The following SGCZ variants were observed in gnomAD, a reference collection of about 807,000 sequenced individuals.
SGCZ encodes the protein zeta-sarcoglycan.
A neutral mutation model predicts 41.3 loss-of-function variants in SGCZ; 40 were observed. The ratio of observed to expected loss-of-function variants is 0.97; its 90% CI spans 0.75 to 1.26. The LOEUF (loss-of-function observed/expected upper bound fraction) is 1.26, where lower values mean the gene tolerates loss of function less well. SGCZ is among the 50% of genes most tolerant of loss of function. The pLI is 0.00. For synonymous variants in SGCZ, 206 were observed against 137.5 expected, an observed-to-expected ratio of 1.50 and a Z score of -3.49; for missense variants, 552 against 369.8, an observed-to-expected ratio of 1.49 and a Z score of -4.04.
chr8:14,757,765 C>A (rs528791918), intron 1 of SGCZ, among the ~76,000 whole-genome samples: 2 of 152,266 alleles, frequency 1.3e-5, no homozygotes, highest in South Asian at 2.1e-4. Context: ...TTAAGCTTCC[C>A]AACAAGGGAT....
intron 4 of SGCZ, among the ~76,000 whole-genome samples, chr8:14,176,216 C>T (rs371186591): frequency 6.6e-6 from 1 of 152,222 alleles, no homozygotes; most frequent in African/African-American, 2.4e-5. Context: ...CAACAATATG[C>T]CATAAAGTAC....
chr8:14,668,095 T>A (rs1186249308), intron 1 of SGCZ, among the ~76,000 whole-genome samples: 2 of 152,070 alleles, frequency 1.3e-5, no homozygotes, highest in African/African-American at 2.4e-5. Context: ...TGGCTGGGAT[T>A]ACAGGCACCC....
At chr8:14,775,139 A>G (rs1175347088) in intron 1 of SGCZ, among the ~76,000 whole-genome samples, 1 of 152,206 alleles carries the variant, frequency 6.6e-6, no homozygotes, top group Non-Finnish European at 1.5e-5. Flanking sequence ...AACTTCAGCT[A>G]GGTCTTATGC....
At chr8:14,225,918 C>G (rs1212229367) in intron 4 of SGCZ, among the ~76,000 whole-genome samples, 1 of 151,998 alleles carries the variant, frequency 6.6e-6, no homozygotes, top group Non-Finnish European at 1.5e-5. Flanking sequence ...TATGATACCT[C>G]TGAAAGAAAT....
rs899317587 is a variant in SGCZ, at chr8:14,946,350, G to A, written c.39+291235C>T. ...CTCGGAGTGGCCACGTATACTCCTC[G>A]CGCATCACAGAAGGAAACGCTGCTC... On this transcript the variant is annotated intron_variant, in intron 1 of 7. Coordinates refer to ENST00000382080, the MANE Select transcript of SGCZ (RefSeq NM_139167.4). 6.6e-5 allele frequency among the ~76,000 whole-genome samples: 10 copies of A among 151,410 alleles called. No homozygotes were observed. The East Asian group carries it at 1.2e-3, about 18-fold the overall frequency.
At chr8:14,329,105 T>C (rs552176738) in intron 2 of SGCZ, among the ~76,000 whole-genome samples, 1 of 152,204 alleles carries the variant, frequency 6.6e-6, no homozygotes, top group South Asian at 2.1e-4. Context: ...TATTTTGTTA[T>C]AGTAGCAAAA....
chr8:15,182,503 A>G (rs76058739), intron 1 of SGCZ, among the ~76,000 whole-genome samples: 1,536 of 152,316 alleles, frequency 0.01, 82 homozygotes, highest in East Asian at 0.096. Flanking sequence ...TACCAGAGGC[A>G]ACTTTAACTA....
chr8:14,744,618 A>T (rs1246514504), intron 1 of SGCZ, among the ~76,000 whole-genome samples: 1 of 152,178 alleles, frequency 6.6e-6, no homozygotes, highest in Non-Finnish European at 1.5e-5. Flanking sequence ...GTTCATTTGT[A>T]TACAATGGAC....
At chr8:14,917,694 T>C (rs534260318) in intron 1 of SGCZ, among the ~76,000 whole-genome samples, 36 of 152,248 alleles carry the variant, frequency 2.4e-4, no homozygotes, top group African/African-American at 8.2e-4. Flanking sequence ...AGGCCACTCA[T>C]AATGGGGCAA....
chr8:15,025,402 G>C (rs1321900772), intron 1 of SGCZ, among the ~76,000 whole-genome samples: 1 of 152,120 alleles, frequency 6.6e-6, no homozygotes, highest in African/African-American at 2.4e-5. Flanking sequence ...TTCTGCTACA[G>C]TTTTAAAGGG....
chr8:14,544,433 C>T (rs551978800), intron 2 of SGCZ, among the ~76,000 whole-genome samples: 48 of 151,976 alleles, frequency 3.2e-4, no homozygotes, highest in Admixed American at 1.5e-3. Context: ...CCTGCGGGGT[C>T]GGGGAAAAAC....
chr8:14,392,963 C>A (rs1428227841), intron 2 of SGCZ, among the ~76,000 whole-genome samples: 1 of 151,772 alleles, frequency 6.6e-6, no homozygotes, highest in Non-Finnish European at 1.5e-5. Flanking sequence ...ACACTTTGTA[C>A]TTAATTAATT....
chr8:14,146,469 A>G (rs1803523515), intron 5 of SGCZ, among the ~76,000 whole-genome samples: 1 of 152,230 alleles, frequency 6.6e-6, no homozygotes, highest in Non-Finnish European at 1.5e-5. Context: ...AGAAAAGGAC[A>G]TTAATTAGCA....
At chr8:14,479,403 T>C (rs76886386) in intron 2 of SGCZ, among the ~76,000 whole-genome samples, 4,998 of 152,240 alleles carry the variant, frequency 0.033, 258 homozygotes, top group African/African-American at 0.11. Flanking sequence ...TCGCAGCTGA[T>C]TAGATGGTGC....
intron 1 of SGCZ, among the ~76,000 whole-genome samples, chr8:15,010,812 A>G (rs907952878): frequency 2.2e-4 from 34 of 152,112 alleles, no homozygotes; most frequent in African/African-American, 8.0e-4. Context: ...GGTCCTTGTC[A>G]CCCATGGTGA....
At chr8:14,574,489 GGAAGAAGAAAT>G (rs2117239993) in intron 1 of SGCZ, among the ~76,000 whole-genome samples, 1 of 152,220 alleles carries the variant, frequency 6.6e-6, no homozygotes, top group South Asian at 2.1e-4. Context: ...CATGTACCAG[GGAAGAAGAAAT>G]GCTCTAACAA....
intron 4 of SGCZ, among the ~76,000 whole-genome samples, chr8:14,185,969 A>T (rs1804890010): frequency 6.6e-6 from 1 of 152,198 alleles, no homozygotes; most frequent in African/African-American, 2.4e-5. Flanking sequence ...TAATCATATG[A>T]TTAGTTTGGA....
At chr8:14,640,442 C>T (rs1451705743) in intron 1 of SGCZ, among the ~76,000 whole-genome samples, 6 of 151,676 alleles carry the variant, frequency 4.0e-5, no homozygotes, top group African/African-American at 1.5e-4. Flanking sequence ...TGTAAGCAAT[C>T]GGTCCTTTTC....
chr8:15,152,955 G>A (rs951384734), intron 1 of SGCZ, among the ~76,000 whole-genome samples: 27 of 152,108 alleles, frequency 1.8e-4, no homozygotes, highest in African/African-American at 6.3e-4. Flanking sequence ...TGCAAATTTG[G>A]TGACCCGCTT....
Sources: gnomAD v4.1 joint callset for allele counts (sites outside exome capture counted in the v4.1 genomes callset) on GRCh38, gnomAD v4.1.1 for gene constraint, MANE v1.5 for transcripts, NCBI Gene and HGNC (gene_info 2026-07-23, HGNC 2026-07-21) for gene names.